Variants in ATP2B2 observed in about 807,000 individuals in gnomAD.
ATP2B2 encodes the protein ATPase plasma membrane Ca2+ transporting 2, also known as plasma membrane calcium-transporting ATPase 2.
A neutral mutation model predicts 120.0 loss-of-function variants in ATP2B2; 15 were observed. That is an observed-to-expected ratio of 0.12 (90% CI 0.08 to 0.19). The LOEUF (loss-of-function observed/expected upper bound fraction) is 0.19, where lower values mean the gene tolerates loss of function less well. ATP2B2 is among the 10% of genes least tolerant of loss of function. ATP2B2 has a pLI of 1.00. For missense variants in ATP2B2, 1,045 were observed against 1,719.8 expected (o/e 0.61, Z 6.94); for synonymous variants, 694 against 700.3 (o/e 0.99, Z 0.14).
chr3:10,412,219 C>T (rs1447519627), intron 2 of ATP2B2, among the ~76,000 whole-genome samples: 1 of 152,226 alleles, frequency 6.6e-6, no homozygotes, highest in African/African-American at 2.4e-5. Context: ...CCTAAACTCC[C>T]TGGTACTGGG....
chr3:10,498,903 A>G (rs2066267930), intron 1 of ATP2B2, among the ~76,000 whole-genome samples: 1 of 152,198 alleles, frequency 6.6e-6, no homozygotes, highest in Admixed American at 6.5e-5. Context: ...GATGCCCACA[A>G]GCAGGGCAGA....
At chr3:10,368,210 C>T (rs902107129) in intron 12 of ATP2B2, among the ~76,000 whole-genome samples, 6 of 151,588 alleles carry the variant, frequency 4.0e-5, no homozygotes, top group African/African-American at 1.2e-4. Context: ...TAAAAGACAT[C>T]GGCTAATTGG....
chr3:10,470,866 T>G (rs926045486), intron 1 of ATP2B2, among the ~76,000 whole-genome samples: 1 of 152,048 alleles, frequency 6.6e-6, no homozygotes, highest in Admixed American at 6.5e-5. Flanking sequence ...CCCCCATGTC[T>G]CGTAACCTGA....
At chr3:10,602,317 G>C (rs947400954) in intron 2 of ATP2B2, among the ~76,000 whole-genome samples, 1 of 152,222 alleles carries the variant, frequency 6.6e-6, no homozygotes, top group African/African-American at 2.4e-5. Context: ...TGCCGTTGTG[G>C]AAGTTTCTAA....
chr3:10,567,507 C>A (rs946688141), intron 2 of ATP2B2, among the ~76,000 whole-genome samples: 20 of 152,160 alleles, frequency 1.3e-4, no homozygotes, highest in African/African-American at 4.8e-4. Context: ...TGACAGCCTC[C>A]CTTATCAGCT....
chr3:10,415,924 T>G (rs1469426960), intron 2 of ATP2B2, among the ~76,000 whole-genome samples: 1 of 152,142 alleles, frequency 6.6e-6, no homozygotes, highest in Non-Finnish European at 1.5e-5. Context: ...AGGAGCCAGG[T>G]TTTGGTCTTT....
At chr3:10,401,844 G>A (rs1027709427) in intron 4 of ATP2B2, among the ~76,000 whole-genome samples, 27 of 152,352 alleles carry the variant, frequency 1.8e-4, no homozygotes, top group African/African-American at 6.5e-4. Flanking sequence ...GCTATGGGTG[G>A]AAGTTTGGAG....
At chr3:10,404,423 G>A (rs1251658938) in intron 3 of ATP2B2, among the ~76,000 whole-genome samples, 1 of 152,218 alleles carries the variant, frequency 6.6e-6, no homozygotes, top group South Asian at 2.1e-4. Flanking sequence ...AACTTGCTAT[G>A]TAACCACTGT....
intron 2 of ATP2B2, among the ~76,000 whole-genome samples, chr3:10,581,390 A>G (rs1208769294): frequency 1.3e-5 from 2 of 152,210 alleles, no homozygotes; most frequent in African/African-American, 4.8e-5. Flanking sequence ...GTAAGATGAG[A>G]GATCTGGAAG....
At chr3:10,350,334 A>T in intron 15 of ATP2B2, 64 bp downstream of exon 15, 8 of 1,608,588 alleles carry the variant, frequency 5.0e-6, no homozygotes, top group Non-Finnish European at 6.8e-6. Flanking sequence ...ATCATGCAGC[A>T]CCCTACCTCC....
At chr3:10,688,310 A>C (rs76275088) in intron 1 of ATP2B2, among the ~76,000 whole-genome samples, 3,469 of 152,320 alleles carry the variant, frequency 0.023, 60 homozygotes, top group Middle Eastern at 0.072. Context: ...GCTCCAGCCC[A>C]GCAGAGGGCC....
chr3:10,662,458 A>C (rs1294950712), intron 1 of ATP2B2, among the ~76,000 whole-genome samples: 1 of 137,202 alleles, frequency 7.3e-6, no homozygotes, highest in Non-Finnish European at 1.5e-5. Flanking sequence ...TCTCAAAAGA[A>C]GACATTTATG....
intron 1 of ATP2B2, among the ~76,000 whole-genome samples, chr3:10,481,386 G>A (rs1159041029): frequency 6.6e-6 from 1 of 151,000 alleles, no homozygotes; most frequent in African/African-American, 2.4e-5. Context: ...TCCTCTGCAT[G>A]GAGTGCTCTT....
Position 10,704,213 on chromosome 3 carries a change from T to C in ATP2B2, c.-460+3702A>G, listed in dbSNP as rs568336740. On this transcript the variant is annotated intron_variant, in intron 1 of 21. Transcript: ENST00000646379. ...GCCATAACTGAATAATAATAAAACC[T>C]ATATTTTAAAATGATGATAATATCA... is the stretch of plus-strand genomic sequence containing the variant. Among the ~76,000 whole-genome samples the C allele has an allele frequency of 9.6e-4, 146 of 152,324 alleles. 2 individuals carry two copies. Among genetic ancestry groups the C allele is most frequent in the Non-Finnish European group, 1.5e-3 (103 of 68,036 alleles).
At chr3:10,414,039 G>T (rs147326194) in intron 2 of ATP2B2, among the ~76,000 whole-genome samples, 4,169 of 152,276 alleles carry the variant, frequency 0.027, 72 homozygotes, top group Non-Finnish European at 0.045. Context: ...AGATGGGTAG[G>T]TCCTGAGAAT....
rs1437941283 is a variant in ATP2B2, at chr3:10,624,841, T to G, written c.-459-4880A>C. ...TTCTAAGGCAAAGCCCAATGTTGTGTTTTTTAAATGTTTTCCTTTTTCTGG... is the reference window on the plus strand; with the variant it reads ...TTCTAAGGCAAAGCCCAATGTTGTGGTTTTTAAATGTTTTCCTTTTTCTGG... On this transcript the variant is annotated intron_variant, in intron 1 of 21. Transcript: ENST00000646379. Among the ~76,000 whole-genome samples the G allele has an allele frequency of 2.0e-5, 3 of 152,326 alleles. No individual in the cohort carries two copies. In the East Asian group the frequency reaches 5.8e-4, roughly 29 times the overall value.
At chr3:10,332,994 C>T (rs908635860) in intron 22 of ATP2B2, among the ~76,000 whole-genome samples, 4 of 152,178 alleles carry the variant, frequency 2.6e-5, no homozygotes, top group African/African-American at 4.8e-5. Context: ...CATTCCCTCC[C>T]GAGCATCCTC....
In ATP2B2 at chr3:10,334,913, G is replaced by C. The variant is rs1012176314; in HGVS notation, c.3420+3263C>G. ...AGTCTACTTCTCATCAAAGAAGCTGGAGGCTAAGACTGACACTATGCCAAT... is the reference window on the plus strand; with the variant it reads ...AGTCTACTTCTCATCAAAGAAGCTGCAGGCTAAGACTGACACTATGCCAAT... On this transcript the variant is annotated intron_variant, in intron 22 of 22. Coordinates refer to ENST00000360273, the MANE Select transcript of ATP2B2 (RefSeq NM_001001331.4). Among the ~76,000 whole-genome samples the C allele has an allele frequency of 2.6e-5, 4 of 152,302 alleles. No homozygotes were observed. In the South Asian group the frequency reaches 6.2e-4, roughly 24 times the overall value.
chr3:10,606,520 C>A (rs2069071161), intron 2 of ATP2B2, among the ~76,000 whole-genome samples: 1 of 152,262 alleles, frequency 6.6e-6, no homozygotes, highest in South Asian at 2.1e-4. Context: ...GCAAGACTTC[C>A]AATCCTCCTG....
Sources: allele counts gnomAD v4.1 joint callset (sites outside exome capture counted in the v4.1 genomes callset), GRCh38; gene constraint gnomAD v4.1.1; transcripts MANE v1.5; gene names NCBI Gene and HGNC (gene_info 2026-07-23, HGNC 2026-07-21).